ZMYM1: variants seen among roughly 807,000 people sequenced by gnomAD.
ZMYM1 encodes the protein zinc finger MYM-type containing 1.
ZMYM1 carries 39 observed loss-of-function variants against 60.0 expected under a neutral mutation model. The observed-to-expected ratio is 0.65, with a 90% CI of 0.50 to 0.85. The LOEUF is 0.85. ZMYM1 is among the 40% of genes least tolerant of loss of function. The probability of loss-of-function intolerance (pLI) is 0.00; values close to 1 mark genes in which losing one functional copy is unlikely to be tolerated. For missense variants in ZMYM1, 1,171 were observed against 1,309.5 expected, an observed-to-expected ratio of 0.89 and a Z score of 1.63; for synonymous variants, 413 against 454.0, an observed-to-expected ratio of 0.91 and a Z score of 1.15.
At chr1:35,107,280 G>A (rs1440531899) in intron 6 of ZMYM1, among the ~76,000 whole-genome samples, 1 of 147,626 alleles carries the variant, frequency 6.8e-6, no homozygotes, top group Non-Finnish European at 1.5e-5. Flanking sequence ...CTAACATGGT[G>A]AAACCCCATC....
chr1:35,070,396 T>A (rs1348972932), intron 1 of ZMYM1, among the ~76,000 whole-genome samples: 1 of 152,204 alleles, frequency 6.6e-6, no homozygotes, highest in Non-Finnish European at 1.5e-5. Flanking sequence ...TCACTATTAA[T>A]ATATAGAAAC....
chr1:35,098,393 C>T (rs989008095), intron 4 of ZMYM1, among the ~76,000 whole-genome samples: 1 of 152,128 alleles, frequency 6.6e-6, no homozygotes, highest in African/African-American at 2.4e-5. Context: ...TGGTTGTTAG[C>T]ACTTAGGATA....
chr1:35,092,378 A>G (rs1325863986), intron 1 of ZMYM1, among the ~76,000 whole-genome samples: 1 of 146,010 alleles, frequency 6.8e-6, no homozygotes, highest in African/African-American at 2.5e-5. Flanking sequence ...GATCACAGGC[A>G]CACACCACCA....
chr1:35,081,206 C>T lies in ZMYM1; in HGVS notation c.-75+1764C>T, dbSNP rs561151331. 9.2e-5 allele frequency among the ~76,000 whole-genome samples: 14 copies of T among 152,150 alleles called. No homozygotes were observed. In the South Asian group the frequency reaches 2.5e-3, roughly 27 times the overall value. ...TGCTGGGATTGCAGACAGGAGCCAC[C>T]GTGCCCGGCCGAATAAAATAAATCT... On this transcript the variant is annotated intron_variant, in intron 1 of 9. Coordinates refer to ENST00000359858, the MANE Select transcript of ZMYM1 (RefSeq NM_024772.5).
intron 8 of ZMYM1, 78 bp downstream of exon 8, chr1:35,111,990 C>G: frequency 1.3e-6 from 2 of 1,545,174 alleles, no homozygotes; most frequent in Non-Finnish European, 1.7e-6. Context: ...GCTAAATTTT[C>G]TTTTTGTTTC....
chr1:35,118,500 C>T (rs1281033221), downstream of ZMYM1, among the ~76,000 whole-genome samples: 3 of 151,544 alleles, frequency 2.0e-5, no homozygotes, highest in South Asian at 2.1e-4. Flanking sequence ...CCGAGGTGGG[C>T]GGATCACGAG....
Position 35,113,606 on chromosome 1 carries a change from G to A in ZMYM1, c.1776G>A (p.Met592Ile), listed in dbSNP as rs1201093254. 6.2e-6 allele frequency: 10 copies of A among 1,613,596 alleles called. No homozygotes were observed. The highest frequency in any genetic ancestry group is 8.5e-6 in the Non-Finnish European group (10 of 1,179,870). Residue 592 changes from methionine to isoleucine, a missense_variant, in exon 10 of 10, where the codon ATG (methionine) becomes ATA (isoleucine). Coordinates refer to ENST00000359858, the MANE Select transcript of ZMYM1 (RefSeq NM_024772.5). ...GCAATTTTTTAGAATTGTTAGAAATGAGAGCAAAAGATAAAGGAGAAGAAA... is the reference window on the plus strand; with the variant it reads ...GCAATTTTTTAGAATTGTTAGAAATAAGAGCAAAAGATAAAGGAGAAGAAA... ...NKGNFLELLEMRAKDKGEETF... is the reference protein window; with the variant it reads ...NKGNFLELLEIRAKDKGEETF...
chr1:35,061,072 C>T (rs1243970944), intron 1 of ZMYM1, among the ~76,000 whole-genome samples: 1 of 152,182 alleles, frequency 6.6e-6, no homozygotes, highest in Non-Finnish European at 1.5e-5. Flanking sequence ...TCCTGCCAGG[C>T]CTAAGTCTGT....
At chr1:35,099,516 T>C (rs1000336139) in intron 4 of ZMYM1, among the ~76,000 whole-genome samples, 1 of 152,146 alleles carries the variant, frequency 6.6e-6, no homozygotes, top group African/African-American at 2.4e-5. Flanking sequence ...TCCTCTAGAA[T>C]AAAATTTTTT....
chr1:35,114,668 T>TTTGAA lies in ZMYM1; in HGVS notation c.2838_2839insTTGAA (p.Gly948AsnfsTer27). 1 of 1,591,078 alleles carries TTTGAA rather than the reference T, an allele frequency of 6.3e-7. No homozygotes were observed. Among genetic ancestry groups the TTTGAA allele is most frequent in the Non-Finnish European group, 8.5e-7 (1 of 1,173,966 alleles). ...GAAGAAAAATTCAGAAATCAGTAGA[T>TTTGAA]CTTGGCAATTCAGATAATATGTTTT... On this transcript the variant is annotated frameshift_variant, in exon 10 of 10. Coordinates refer to ENST00000359858, the MANE Select transcript of ZMYM1 (RefSeq NM_024772.5). LOFTEE classifies it low-confidence loss of function (END_TRUNC).
chr1:35,112,946 T>C, intron 9 of ZMYM1, 31 bp from the exon 10 acceptor site: 2 of 1,482,784 alleles, frequency 1.3e-6, no homozygotes, highest in South Asian at 3.0e-5. Flanking sequence ...TTGAAAACTG[T>C]TAAATGTTCT....
intron 4 of ZMYM1, among the ~76,000 whole-genome samples, chr1:35,097,820 T>C (rs1039999992): frequency 1.3e-4 from 19 of 151,928 alleles, no homozygotes; most frequent in African/African-American, 4.6e-4. Context: ...AATTTTGTAT[T>C]TTTTAGTAGA....
chr1:35,115,034 G>T lies in ZMYM1; in HGVS notation c.3204G>T (p.Lys1068Asn). 6.2e-7 allele frequency: 1 copy of T among 1,613,956 alleles called. No homozygotes were observed. The highest frequency in any genetic ancestry group is 8.5e-7 in the Non-Finnish European group (1 of 1,179,896). The change falls in exon 10 of 10, where the codon AAG becomes AAT. Residue 1068 changes from lysine to asparagine, a missense_variant. By Grantham distance (94) the Lys-to-Asn change is moderately conservative. Transcript: ENST00000359858. ...ACAGTAATATTCCTTGTCTCTCAAA[G>T]CTATTATATATTGCTTTGTCTTGGC... ...GLHSNIPCLS[K>N]LLYIALSWPI... is the part of the protein sequence containing the mutation.
At chr1:35,108,050 T>G (rs750125137) in intron 6 of ZMYM1, among the ~76,000 whole-genome samples, 6 of 151,948 alleles carry the variant, frequency 3.9e-5, no homozygotes, top group Non-Finnish European at 7.4e-5. Context: ...AGGTAAAGGT[T>G]GTAGTGAGCC....
chr1:35,088,348 G>C (rs1484595292), intron 1 of ZMYM1, among the ~76,000 whole-genome samples: 2 of 150,882 alleles, frequency 1.3e-5, no homozygotes, highest in Non-Finnish European at 2.9e-5. Flanking sequence ...AACCCGGGAG[G>C]TGGAGGTTGC....
intron 3 of ZMYM1, among the ~76,000 whole-genome samples, chr1:35,096,486 G>A (rs1470316725): frequency 6.6e-6 from 1 of 151,732 alleles, no homozygotes; most frequent in African/African-American, 2.4e-5. Flanking sequence ...ACCAGGTGTG[G>A]TGGTGCATGC....
upstream of ZMYM1, among the ~76,000 whole-genome samples, chr1:35,074,391 TA>T (rs1642128806): frequency 1.3e-5 from 2 of 152,150 alleles, no homozygotes; most frequent in African/African-American, 4.8e-5. Flanking sequence ...ATGGTGTAGC[TA>T]AAGTCTGATG....
chr1:35,096,323 A>AG (rs1223274246), intron 3 of ZMYM1, among the ~76,000 whole-genome samples: 2 of 151,114 alleles, frequency 1.3e-5, no homozygotes, highest in African/African-American at 4.9e-5. Flanking sequence ...AAAAAAAAAA[A>AG]AAGAGAAGAA....
In ZMYM1 at chr1:35,113,812, T is replaced by A. The variant is rs756404080; in HGVS notation, c.1982T>A (p.Ile661Asn). The change falls in exon 10 of 10, where the codon ATT becomes AAT. Residue 661 changes from isoleucine (I) to asparagine (N), a missense_variant. Physicochemically the swap from Ile to Asn is moderately radical, Grantham distance 149. Transcript: ENST00000359858. ...AGTGCCATGAAAGAACAGCTTTCAA[T>A]TTGTGTAAGATACCCACAAAAATCA... is the stretch of plus-strand genomic sequence containing the variant. ...INSAMKEQLS[I>N]CVRYPQKSSK... 1 of 1,613,852 alleles carries A rather than the reference T, an allele frequency of 6.2e-7. No individual in the cohort carries two copies. The highest frequency in any genetic ancestry group is 8.5e-7 in the Non-Finnish European group (1 of 1,179,856).
Sources: gnomAD v4.1 joint callset for allele counts (sites outside exome capture counted in the v4.1 genomes callset) on GRCh38, gnomAD v4.1.1 for gene constraint, MANE v1.5 for transcripts, NCBI Gene and HGNC (gene_info 2026-07-23, HGNC 2026-07-21) for gene names.